Variants in CENPC observed in about 807,000 individuals in gnomAD.
CENPC encodes CENP-C 1.
In CENPC, 63 loss-of-function variants were observed where a neutral mutation model predicts 112.1. That is an observed-to-expected ratio of 0.56 (90% CI 0.46 to 0.69). The LOEUF is 0.69. Among genes scored for constraint, CENPC ranks in the 30% least tolerant of loss-of-function variants. CENPC has a pLI of 0.00. For missense variants in CENPC, 1,000 were observed against 1,103.8 expected, an observed-to-expected ratio of 0.91 and a Z score of 1.33; for synonymous variants, 333 against 367.6, an observed-to-expected ratio of 0.91 and a Z score of 1.08.
chr4:67,504,205 G>A (rs555552103), intron 12 of CENPC, among the ~76,000 whole-genome samples: 199 of 151,644 alleles, frequency 1.3e-3, no homozygotes, highest in Non-Finnish European at 2.1e-3. Context: ...ATAACTGCTG[G>A]GTCAAAGAAA....
At chr4:67,524,321 G>A (rs1042872075) in intron 5 of CENPC, among the ~76,000 whole-genome samples, 1 of 151,806 alleles carries the variant, frequency 6.6e-6, no homozygotes, top group African/African-American at 2.4e-5. Flanking sequence ...TGGAAGTTCT[G>A]GCCATGGCAA....
intron 9 of CENPC, among the ~76,000 whole-genome samples, chr4:67,509,777 C>T (rs972086224): frequency 6.6e-6 from 1 of 151,986 alleles, no homozygotes; most frequent in African/African-American, 2.4e-5. Context: ...TTACTAATCT[C>T]CCCCTCCCTA....
At chr4:67,480,711 T>A (rs879225954) in intron 17 of CENPC, among the ~76,000 whole-genome samples, 3 of 152,176 alleles carry the variant, frequency 2.0e-5, no homozygotes, top group African/African-American at 4.8e-5. Flanking sequence ...ATCAGCTCAA[T>A]AGATGCAGAA....
At chr4:67,493,196 AGAT>A (rs1258659264) in intron 14 of CENPC, among the ~76,000 whole-genome samples, 199 bp from the exon 15 acceptor site, 2 of 152,008 alleles carry the variant, frequency 1.3e-5, no homozygotes, top group African/African-American at 2.4e-5. Context: ...AAACAGGATT[AGAT>A]GATGAAACAT....
In CENPC at chr4:67,469,867, T is replaced by G. The variant is rs1037441704; in HGVS notation, c.*2738A>C. 6.6e-6 allele frequency: 1 copy of G among 152,172 alleles called. No individual in the cohort carries two copies. The highest frequency in any genetic ancestry group is 2.4e-5 in the African/African-American group (1 of 41,436). The allele number at this position is 152,172 out of a possible 1,614,324, so 9.4% of individuals were successfully genotyped here. A position where few individuals can be genotyped will look rare whatever the true frequency, so the allele number is the denominator to read the frequency against. ...GGCTGTTGAGAAAACTGAATTGTGA[T>G]GCAGGGTACAGAAGTGGAAACTCCA... On this transcript the variant is annotated 3_prime_UTR_variant, in exon 19 of 19. Coordinates refer to ENST00000273853, the MANE Select transcript of CENPC (RefSeq NM_001812.4).
intron 18 of CENPC, among the ~76,000 whole-genome samples, chr4:67,473,118 C>T (rs943454413): frequency 6.6e-6 from 1 of 151,394 alleles, no homozygotes; most frequent in Non-Finnish European, 1.5e-5. Context: ...TTCTGGAGAA[C>T]GGGGTCTCGC....
intron 15 of CENPC, among the ~76,000 whole-genome samples, 187 bp from the exon 16 acceptor site, chr4:67,492,462 A>G (rs563263526): frequency 3.3e-5 from 5 of 152,316 alleles, no homozygotes; most frequent in African/African-American, 1.2e-4. Flanking sequence ...GATTTAATAT[A>G]AAAGCAAACA....
chr4:67,513,602 T>C (rs1371938691), intron 8 of CENPC, among the ~76,000 whole-genome samples: 1 of 152,142 alleles, frequency 6.6e-6, no homozygotes, highest in East Asian at 1.9e-4. Context: ...CCCACCAGAA[T>C]GATCTTGTTA....
At chr4:67,517,969 A>T (rs1424887726) in intron 7 of CENPC, among the ~76,000 whole-genome samples, 187 bp downstream of exon 7, 1 of 152,206 alleles carries the variant, frequency 6.6e-6, no homozygotes, top group Non-Finnish European at 1.5e-5. Context: ...CTATTAAAAA[A>T]TGGCTTTGGG....
intron 17 of CENPC, among the ~76,000 whole-genome samples, chr4:67,485,605 C>A (rs1725074514): frequency 6.6e-6 from 1 of 152,080 alleles, no homozygotes; most frequent in Non-Finnish European, 1.5e-5. Context: ...ATTATAGCAG[C>A]CCAATCTGAC....
intron 8 of CENPC, among the ~76,000 whole-genome samples, chr4:67,513,609 G>C (rs1002013684): frequency 6.6e-6 from 1 of 152,068 alleles, no homozygotes; most frequent in Non-Finnish European, 1.5e-5. Flanking sequence ...GAATGATCTT[G>C]TTAACAGTAG....
chr4:67,481,201 A>C (rs1169175808), intron 17 of CENPC, among the ~76,000 whole-genome samples: 1 of 152,134 alleles, frequency 6.6e-6, no homozygotes, highest in African/African-American at 2.4e-5. Flanking sequence ...CAATAGCCAC[A>C]AATAATAATA....
In CENPC at chr4:67,540,414, A is replaced by T. The variant is rs186891480; in HGVS notation, c.137-480T>A. Among the ~76,000 whole-genome samples the T allele has an allele frequency of 9.8e-4, 149 of 152,274 alleles. 1 individual carries two copies. Among genetic ancestry groups the T allele is most frequent in the African/African-American group, 3.5e-3 (146 of 41,568 alleles). On this transcript the variant is annotated intron_variant, in intron 3 of 18. Transcript: ENST00000273853. ...CTAGATGCAGTGGCTTATGCCTGTA[A>T]TCCCAACACTTTGGGAGGCTGAAGA...
chr4:67,485,687 C>T (rs767085274), intron 17 of CENPC, among the ~76,000 whole-genome samples: 7 of 152,176 alleles, frequency 4.6e-5, no homozygotes, highest in African/African-American at 4.8e-5. Context: ...CTACTTTGTA[C>T]AATGATCATA....
chr4:67,507,483 AG>A (rs755332720), intron 10 of CENPC, among the ~76,000 whole-genome samples: 2 of 152,204 alleles, frequency 1.3e-5, no homozygotes, highest in African/African-American at 2.4e-5. Flanking sequence ...AGAGAATACT[AG>A]GAACAACTGT....
chr4:67,491,525 A>AGAGAGAGAGAGCGAGCGAGC (rs1553893257), intron 16 of CENPC, among the ~76,000 whole-genome samples: 1 of 130,044 alleles, frequency 7.7e-6, no homozygotes, highest in African/African-American at 2.9e-5. Flanking sequence ...AGAGAGAGAG[A>AGAGAGAGAGAGCGAGCGAGC]GAGCCTGGTT....
intron 1 of CENPC, among the ~76,000 whole-genome samples, 155 bp downstream of exon 1, chr4:67,545,183 C>T (rs1342100602): frequency 6.6e-6 from 1 of 152,250 alleles, no homozygotes; most frequent in Non-Finnish European, 1.5e-5. Flanking sequence ...TATCGACACA[C>T]GATCACACTT....
intron 4 of CENPC, among the ~76,000 whole-genome samples, chr4:67,531,475 C>G (rs1056746058): frequency 6.6e-6 from 1 of 152,190 alleles, no homozygotes; most frequent in Non-Finnish European, 1.5e-5. Flanking sequence ...AGAATGTTCC[C>G]TCCATTACCA....
intron 4 of CENPC, among the ~76,000 whole-genome samples, chr4:67,532,227 C>T (rs952773752): frequency 3.9e-5 from 6 of 152,142 alleles, no homozygotes; most frequent in Non-Finnish European, 7.4e-5. Flanking sequence ...GAATGGCAAT[C>T]ATTAAAAAGT....
Sources: allele counts gnomAD v4.1 joint callset (sites outside exome capture counted in the v4.1 genomes callset), GRCh38; gene constraint gnomAD v4.1.1; transcripts MANE v1.5; gene names NCBI Gene and HGNC (gene_info 2026-07-23, HGNC 2026-07-21).